Variants in NUDC observed in about 807,000 individuals in gnomAD.
NUDC encodes nuclear migration protein nudC.
In NUDC, 14 loss-of-function variants were observed where a neutral mutation model predicts 45.0. The observed-to-expected ratio is 0.31, with a 90% confidence interval of 0.21 to 0.49. The LOEUF is 0.49. NUDC is among the 20% of genes least tolerant of loss of function. The probability of loss-of-function intolerance (pLI) is 0.99; values close to 1 mark genes in which losing one functional copy is unlikely to be tolerated. For missense variants in NUDC, 323 were observed against 426.2 expected, an observed-to-expected ratio of 0.76 and a Z score of 2.13; for synonymous variants, 153 against 156.7, an observed-to-expected ratio of 0.98 and a Z score of 0.17.
intron 2 of NUDC, among the ~76,000 whole-genome samples, chr1:26,928,815 G>A (rs192291370): frequency 3.6e-4 from 55 of 152,352 alleles, no homozygotes; most frequent in African/African-American, 1.2e-3. Context: ...CTTGTACACT[G>A]TGGTGGGAAT....
chr1:26,911,254 T>C (rs2082024656), intron 3 of NUDC: 1 of 447,926 alleles, frequency 2.2e-6, no homozygotes, highest in Non-Finnish European at 4.6e-6. Context: ...GCGCCTGAAG[T>C]GGGTAGGAGC....
chr1:26,943,108 G>C, intron 6 of NUDC, 43 bp downstream of exon 6: 1 of 1,599,210 alleles, frequency 6.3e-7, no homozygotes, highest in Non-Finnish European at 8.6e-7. Context: ...GTTGATGGAA[G>C]TAGAAGGGAG....
chr1:26,945,736 A>T (rs2082312874), intron 8 of NUDC, 50 bp downstream of exon 8: 1 of 1,342,814 alleles, frequency 7.4e-7, no homozygotes, highest in Non-Finnish European at 1.1e-6. Flanking sequence ...CTGGGGGCTT[A>T]GACTTCGGTG....
chr1:26,912,380 A>C (rs41291051), intron 3 of NUDC, among the ~76,000 whole-genome samples: 17,690 of 152,062 alleles, frequency 0.12, 1,433 homozygotes, highest in African/African-American at 0.23. Context: ...CAAGTCACTT[A>C]ATCTCTGGGC....
At chr1:26,920,494 G>T (rs1202146669), upstream of NUDC, among the ~76,000 whole-genome samples, 1 of 151,458 alleles carries the variant, frequency 6.6e-6, no homozygotes, top group Non-Finnish European at 1.5e-5. Context: ...AAAAAAAGAA[G>T]AATAGATAGA....
chr1:26,920,692 CAGG>C (rs1414616245), upstream of NUDC, among the ~76,000 whole-genome samples: 1 of 150,764 alleles, frequency 6.6e-6, no homozygotes, highest in African/African-American at 2.4e-5. Context: ...GAGGCTGAGG[CAGG>C]AGGAGTGCTT....
At chr1:26,933,363 C>A (rs955038507) in intron 2 of NUDC, among the ~76,000 whole-genome samples, 3 of 152,088 alleles carry the variant, frequency 2.0e-5, no homozygotes, top group African/African-American at 7.2e-5. Flanking sequence ...TCAATTCTTG[C>A]AGGTGTTACT....
Position 26,942,663 on chromosome 1 carries a change from A to T in NUDC, c.433A>T (p.Thr145Ser). Reference sequence around the variant, plus strand: ...GAGTGTCCCTGATTGTAAGCAGGATACTGAGGAAGATGAGGAGGAAGATGA... The same window carrying T: ...GAGTGTCCCTGATTGTAAGCAGGATTCTGAGGAAGATGAGGAGGAAGATGA... ...GSLDSPGKQD[T>S]EEDEEEDEKD... The change falls in exon 5 of 9, where the codon ACT becomes TCT. Residue 145 changes from threonine to serine, a missense_variant. By Grantham distance (58) the Thr-to-Ser change is moderately conservative. Coordinates refer to ENST00000321265, the MANE Select transcript of NUDC (RefSeq NM_006600.4). 6.2e-7 allele frequency: 1 copy of T among 1,614,140 alleles called. No individual in the cohort carries two copies. The highest frequency in any genetic ancestry group is 8.5e-7 in the Non-Finnish European group (1 of 1,180,016).
intron 6 of NUDC, chr1:26,945,111 C>A (rs2082308105): frequency 5.5e-6 from 3 of 548,296 alleles, no homozygotes; most frequent in Non-Finnish European, 6.6e-6. Context: ...TAAGACTCAG[C>A]CCGAGTGTCA....
chr1:26,934,755 G>A (rs1370102552), intron 2 of NUDC, among the ~76,000 whole-genome samples: 1 of 151,516 alleles, frequency 6.6e-6, no homozygotes, highest in Non-Finnish European at 1.5e-5. Flanking sequence ...CGCCTCCTGG[G>A]TTCACGCCAT....
upstream of NUDC, among the ~76,000 whole-genome samples, chr1:26,921,481 C>T (rs2082090130): frequency 6.6e-6 from 1 of 152,226 alleles, no homozygotes; most frequent in African/African-American, 2.4e-5. Context: ...TAACTTCCAA[C>T]CCTGCCAGAT....
At chr1:26,914,102 A>G (rs1273347357) in intron 3 of NUDC, 8 of 546,066 alleles carry the variant, frequency 1.5e-5, no homozygotes, top group Non-Finnish European at 2.3e-5. Context: ...CCTGGCAGGA[A>G]TGGTGGGGAA....
chr1:26,913,691 G>A (rs1327866399), intron 3 of NUDC: 2 of 1,611,318 alleles, frequency 1.2e-6, no homozygotes, highest in Non-Finnish European at 1.7e-6. Flanking sequence ...AGCCGCCGCT[G>A]GTCCTGGGGA....
In NUDC at chr1:26,913,713, GA is replaced by G. The variant is rs779783209; in HGVS notation, c.93+2480del. The G allele has an allele frequency of 6.4e-5, 103 of 1,609,310 alleles. No individual in the cohort carries two copies. In the South Asian group the frequency reaches 1.1e-3, roughly 17 times the overall value. On this transcript the variant is annotated intron_variant, in intron 3 of 6. Coordinates refer to the NUDC transcript ENST00000435827. Reference sequence around the variant, plus strand: ...GCTGGTCCTGGGGAGGCAGCTGCCAGAAGGATGGCAGGTTCCTGAGGAAGGC... The same window carrying G: ...GCTGGTCCTGGGGAGGCAGCTGCCAGAGGATGGCAGGTTCCTGAGGAAGGC...
At chr1:26,911,883 T>C in intron 3 of NUDC, 2 of 1,614,112 alleles carry the variant, frequency 1.2e-6, no homozygotes, top group South Asian at 2.2e-5. Flanking sequence ...AGGCCAGCGA[T>C]GTCAACATCT....
At chr1:26,934,858 C>T (rs995969001) in intron 2 of NUDC, among the ~76,000 whole-genome samples, 73 of 152,048 alleles carry the variant, frequency 4.8e-4, no homozygotes, top group African/African-American at 1.3e-3. Flanking sequence ...GGGGTTTCAC[C>T]GTGTTAGCCA....
chr1:26,901,827 A>G (rs2081980506), intron 1 of NUDC, among the ~76,000 whole-genome samples: 1 of 152,196 alleles, frequency 6.6e-6, no homozygotes, highest in Non-Finnish European at 1.5e-5. Flanking sequence ...GACCTCAAAC[A>G]AAAGCAAAAA....
chr1:26,921,753 G>C lies in NUDC; in HGVS notation c.-96G>C. The C allele has an allele frequency of 2.3e-6, 3 of 1,325,952 alleles. No individual in the cohort carries two copies. The allele number at this position is 1,325,952 out of a possible 1,614,324, so 82.1% of individuals were successfully genotyped here. On this transcript the variant is annotated 5_prime_UTR_variant, in exon 1 of 9. Coordinates refer to ENST00000321265, the MANE Select transcript of NUDC (RefSeq NM_006600.4). The stretch of plus-strand genomic sequence containing the variant: ...GTTTCCGGCTCCGCTGCGGAAGGCG[G>C]ACGACTAGAGTCGTTGGGCCCGGCG...
intron 8 of NUDC, 22 bp from the exon 9 acceptor site, chr1:26,946,108 C>A: frequency 6.2e-7 from 1 of 1,609,840 alleles, no homozygotes; most frequent in Non-Finnish European, 8.5e-7. Flanking sequence ...TGAGCTGTTT[C>A]ATCTTGCTTC....
Sources: gnomAD v4.1 joint callset for allele counts (sites outside exome capture counted in the v4.1 genomes callset) on GRCh38, gnomAD v4.1.1 for gene constraint, MANE v1.5 for transcripts, NCBI Gene and HGNC (gene_info 2026-07-23, HGNC 2026-07-21) for gene names.